OR8B8: variants seen among roughly 807,000 people sequenced by gnomAD.
The protein encoded by OR8B8 is olfactory receptor 8B8.
Under a neutral mutation model 10.5 loss-of-function variants are expected in OR8B8, and 8 were observed. That is an observed-to-expected ratio of 0.76 (90% confidence interval 0.45 to 1.38). OR8B8 has a LOEUF of 1.38. OR8B8 is among the 40% of genes most tolerant of loss of function. The pLI, the probability that OR8B8 is intolerant of heterozygous loss-of-function variation, is 0.00. For missense variants in OR8B8, 390 were observed against 380.5 expected (o/e 1.03, Z -0.21); for synonymous variants, 150 against 145.2 (o/e 1.03, Z -0.24).
chr11:124,444,860 G>A (rs1296881352), intron 1 of OR8B8, among the ~76,000 whole-genome samples: 2 of 152,186 alleles, frequency 1.3e-5, no homozygotes, highest in Admixed American at 1.3e-4. Context: ...ACAAGAGAGG[G>A]TCTGCCATAG....
rs760297506 is a variant in OR8B8 at position 124,441,028 on chromosome 11, G to T, written c.58C>A (p.Gln20Lys). 3.1e-5 allele frequency: 50 copies of T among 1,613,572 alleles called. No individual in the cohort carries two copies. The East Asian group carries it at 1.1e-3, about 35-fold the overall frequency. The change falls in exon 3 of 3, where the codon CAA (glutamine) becomes AAA (lysine). Residue 20 changes from glutamine (Q) to lysine (K), a missense_variant. Gln to Lys is a moderately conservative substitution (Grantham distance 53). Coordinates refer to ENST00000642064, the MANE Select transcript of OR8B8 (RefSeq NM_012378.2). ...TQFILAGLTD[Q>K]PGVQIPLFFL... is the part of the protein sequence containing the mutation. ...AAGAGGGGGATCTGGACTCCCGGTT[G>T]GTCAGTTAAGCCTGCGAGGATAAAC... is the stretch of plus-strand genomic sequence containing the variant.
rs1337437096 is a variant in OR8B8, at chr11:124,440,790, G to C, written c.296C>G (p.Thr99Ser). The change falls in exon 3 of 3, where the codon ACT becomes AGT. Residue 99 changes from threonine to serine, a missense_variant. Physicochemically the swap from Thr to Ser is moderately conservative, Grantham distance 58 (BLOSUM62 1). Transcript: ENST00000642064. The stretch of plus-strand genomic sequence containing the variant: ...AAAGAAAAGAAAGAAGAAGAGCTGA[G>C]TCATACACCCTGCGTAGGAGATGCT... Reference protein sequence around the residue: ...KNSISYAGCMTQLFFFLFFVV... With the variant: ...KNSISYAGCMSQLFFFLFFVV... 1 of 1,614,208 alleles carries C rather than the reference G, an allele frequency of 6.2e-7. No homozygotes were observed. Among genetic ancestry groups the C allele is most frequent in the South Asian group, 1.1e-5 (1 of 91,080 alleles).
At chr11:124,443,821 A>C (rs1199255181) in intron 1 of OR8B8, among the ~76,000 whole-genome samples, 1 of 152,048 alleles carries the variant, frequency 6.6e-6, no homozygotes, top group Non-Finnish European at 1.5e-5. Flanking sequence ...TCTTGACTAC[A>C]CTACGTATCC....
At chr11:124,443,269 G>A (rs1011206464) in intron 1 of OR8B8, among the ~76,000 whole-genome samples, 2 of 152,202 alleles carry the variant, frequency 1.3e-5, no homozygotes, top group Non-Finnish European at 2.9e-5. Context: ...GAGGGATATA[G>A]TTGTGCATCA....
chr11:124,440,992 G>C lies in OR8B8; in HGVS notation c.94C>G (p.Leu32Val), dbSNP rs781499935. The change falls in exon 3 of 3, where the codon CTA (leucine) becomes GTA (valine). Residue 32 changes from leucine to valine, a missense_variant. Coordinates refer to ENST00000642064, the MANE Select transcript of OR8B8 (RefSeq NM_012378.2). ...GVQIPLFFLF[L>V]GFYVVTVVGN... ...ACCACAGTGACCACGTAGAAGCCTA[G>C]AAACAGGAAGAAGAGGGGGATCTGG... is the stretch of plus-strand genomic sequence containing the variant. 6.2e-7 allele frequency: 1 copy of C among 1,613,994 alleles called. No individual in the cohort carries two copies. The highest frequency in any genetic ancestry group is 1.1e-5 in the South Asian group (1 of 91,080).
intron 1 of OR8B8, among the ~76,000 whole-genome samples, 199 bp downstream of exon 1, chr11:124,445,377 G>A (rs1304348596): frequency 2.0e-5 from 3 of 152,166 alleles, no homozygotes; most frequent in African/African-American, 7.2e-5. Flanking sequence ...ACAGCACTCA[G>A]TTAATGAGAG....
chr11:124,439,029 G>A lies in OR8B8; in HGVS notation c.*1121C>T, dbSNP rs538610029. On this transcript the variant is annotated 3_prime_UTR_variant, in exon 3 of 3. Transcript: ENST00000642064. ...GCGCCAAGGGGCAGAAAGTTGATCT[G>A]TGAAACCATGCAAAAAGTACCCCAC... The A allele has an allele frequency of 6.6e-6, 1 of 152,448 alleles. No individual in the cohort carries two copies. Among genetic ancestry groups the A allele is most frequent in the East Asian group, 1.9e-4 (1 of 5,186 alleles). 9.4% of individuals were successfully genotyped at this position (152,448 alleles called of 1,614,324 possible).
chr11:124,441,140 G>A (rs1295452278), intron 2 of OR8B8, 39 bp from the exon 3 acceptor site: 2 of 1,315,342 alleles, frequency 1.5e-6, no homozygotes, highest in African/African-American at 1.5e-5. Context: ...GAGAGAGAGA[G>A]AGACCACTGC....
rs1245062711 is a variant in OR8B8, at chr11:124,440,472, A to C, written c.614T>G (p.Ile205Ser). ...NELVVFVVVG[I>S]DIGVPTVTIF... Reference sequence around the variant, plus strand: ...GGTGACTGTGGGCACACCAATATCAATGCCCACAACAACAAACACTACAAG... The same window carrying C: ...GGTGACTGTGGGCACACCAATATCACTGCCCACAACAACAAACACTACAAG... The change falls in exon 3 of 3, where the codon ATT (isoleucine) becomes AGT (serine). Residue 205 changes from isoleucine (I) to serine (S), a missense_variant. By Grantham distance (142) the Ile-to-Ser change is moderately radical. Coordinates refer to ENST00000642064, the MANE Select transcript of OR8B8 (RefSeq NM_012378.2). The C allele has an allele frequency of 1.2e-6, 2 of 1,614,216 alleles. No homozygotes were observed. The highest frequency in any genetic ancestry group is 1.7e-6 in the Non-Finnish European group (2 of 1,180,032).
Position 124,440,808 on chromosome 11 carries a change from G to T in OR8B8, c.278C>A (p.Ser93Tyr), listed in dbSNP as rs1591449015. Residue 93 changes from serine (S) to tyrosine (Y), a missense_variant, in exon 3 of 3, where the codon TCC becomes TAC. Coordinates refer to ENST00000642064, the MANE Select transcript of OR8B8 (RefSeq NM_012378.2). ...GAGCTGAGTCATACACCCTGCGTAG[G>T]AGATGCTGTTCTTCTTTAAGACAAA... ...MSFVLKKNSI[S>Y]YAGCMTQLFF... 1 of 1,614,098 alleles carries T rather than the reference G, an allele frequency of 6.2e-7. No homozygotes were observed. The highest frequency in any genetic ancestry group is 8.5e-7 in the Non-Finnish European group (1 of 1,180,046).
intron 1 of OR8B8, among the ~76,000 whole-genome samples, chr11:124,443,789 G>A (rs1196965783): frequency 6.6e-6 from 1 of 152,138 alleles, no homozygotes; most frequent in Non-Finnish European, 1.5e-5. Flanking sequence ...GCTGCATCCA[G>A]CTATAGCCCA....
Position 124,438,296 on chromosome 11 carries a change from A to C in OR8B8, c.*1854T>G, listed in dbSNP as rs940860592. The C allele has an allele frequency of 6.6e-6, 1 of 152,324 alleles. No homozygotes were observed. Among genetic ancestry groups the C allele is most frequent in the South Asian group, 2.1e-4 (1 of 4,814 alleles). 9.4% of individuals were successfully genotyped at this position (152,324 alleles called of 1,614,324 possible). The stretch of plus-strand genomic sequence containing the variant: ...CAGCTAAATTCTGTGTTGTTTATCT[A>C]GTCCATGCTGTCCAAGACACAATCC... On this transcript the variant is annotated 3_prime_UTR_variant, in exon 3 of 3. Transcript: ENST00000642064.
Position 124,440,127 on chromosome 11 carries a change from C to T in OR8B8, c.*23G>A. ...ATCACTTATGGGAGAAACAGTGTTTCTTTCCTGAGCATTGCCCTTTTCTCA... is the reference window on the plus strand; with the variant it reads ...ATCACTTATGGGAGAAACAGTGTTTTTTTCCTGAGCATTGCCCTTTTCTCA... On this transcript the variant is annotated 3_prime_UTR_variant, in exon 3 of 3. Coordinates refer to ENST00000642064, the MANE Select transcript of OR8B8 (RefSeq NM_012378.2). 1 of 1,573,082 alleles carries T rather than the reference C, an allele frequency of 6.4e-7. No individual in the cohort carries two copies. The highest frequency in any genetic ancestry group is 8.7e-7 in the Non-Finnish European group (1 of 1,151,954).
Position 124,440,290 on chromosome 11 carries a change from A to G in OR8B8, c.796T>C (p.Leu266=), listed in dbSNP as rs1234582494. ...AFMYLKPFSL[L]AMNQGKVSSL... ...GACACCTTGCCCTGGTTCATAGCTA[A>G]AAGAGAAAAGGGTTTGAGGTACATG... The change falls in exon 3 of 3, where the codon TTA becomes CTA. Residue 266 remains leucine (L), a synonymous_variant. Coordinates refer to ENST00000642064, the MANE Select transcript of OR8B8 (RefSeq NM_012378.2). 6.2e-7 allele frequency: 1 copy of G among 1,614,194 alleles called. No individual in the cohort carries two copies. The highest frequency in any genetic ancestry group is 1.1e-5 in the South Asian group (1 of 91,062).
rs1351116351 is a variant in OR8B8 at position 124,437,449 on chromosome 11, C to T, written c.*2701G>A. ...CAGCCCACTGTAACAAAACTACACA[C>T]CAGGTGGCTTTTAAACAGCAGGAAT... On this transcript the variant is annotated 3_prime_UTR_variant, in exon 3 of 3. Transcript: ENST00000642064. 1.3e-5 allele frequency: 2 copies of T among 152,164 alleles called. No homozygotes were observed. Among genetic ancestry groups the T allele is most frequent in the African/African-American group, 4.8e-5 (2 of 41,432 alleles). 9.4% of individuals were successfully genotyped at this position (152,164 alleles called of 1,614,324 possible).
In OR8B8 at chr11:124,440,916, G is replaced by T. The variant is rs1295027032; in HGVS notation, c.170C>A (p.Thr57Asn). Residue 57 changes from threonine to asparagine, a missense_variant, in exon 3 of 3, where the codon ACC becomes AAC. Coordinates refer to ENST00000642064, the MANE Select transcript of OR8B8 (RefSeq NM_012378.2). ...GTTATAGAGGAAGAAGTACATAGGG[G>T]TGTGCAAGTGAGAGTTGAGCCTTAT... The part of the protein sequence containing the change: ...TLIRLNSHLH[T>N]PMYFFLYNLS... 24 of 1,614,164 alleles carry T rather than the reference G, an allele frequency of 1.5e-5. No homozygotes were observed. The highest frequency in any genetic ancestry group is 2.0e-5 in the Non-Finnish European group (24 of 1,180,034).
Position 124,439,065 on chromosome 11 carries a change from C to A in OR8B8, c.*1085G>T, listed in dbSNP as rs1321742043. The A allele has an allele frequency of 6.6e-6, 1 of 152,256 alleles. No homozygotes were observed. Among genetic ancestry groups the A allele is most frequent in the Non-Finnish European group, 1.5e-5 (1 of 68,060 alleles). 9.4% of individuals were successfully genotyped at this position (152,256 alleles called of 1,614,324 possible). ...CAAAAAGTACCCCACATGGTTTCTG[C>A]TGCATGCAGCATTATACCATTCAGT... is the stretch of plus-strand genomic sequence containing the variant. On this transcript the variant is annotated 3_prime_UTR_variant, in exon 3 of 3. Transcript: ENST00000642064.
chr11:124,441,193 C>T (rs1861472084), intron 2 of OR8B8, 92 bp from the exon 3 acceptor site: 5 of 829,654 alleles, frequency 6.0e-6, no homozygotes, highest in Non-Finnish European at 5.5e-6. Context: ...GAATAGGAGG[C>T]ACACAGAGAG....
At chr11:124,443,243 G>C (rs1861494791) in intron 1 of OR8B8, among the ~76,000 whole-genome samples, 1 of 152,212 alleles carries the variant, frequency 6.6e-6, no homozygotes, top group Non-Finnish European at 1.5e-5. Flanking sequence ...AGTTCGGCTG[G>C]AATGTAGAGT....
Sources: allele counts gnomAD v4.1 joint callset (sites outside exome capture counted in the v4.1 genomes callset), GRCh38; gene constraint gnomAD v4.1.1; transcripts MANE v1.5; gene names NCBI Gene and HGNC (gene_info 2026-07-23, HGNC 2026-07-21).